MYO1F: variants seen among roughly 807,000 people sequenced by gnomAD.
The protein encoded by MYO1F is unconventional myosin-If.
In MYO1F, 60 loss-of-function variants were observed where a neutral mutation model predicts 146.6. The observed-to-expected ratio is 0.41, with a 90% CI of 0.33 to 0.51. The LOEUF is 0.51. MYO1F is among the 20% of genes least tolerant of loss of function. The probability of loss-of-function intolerance (pLI) is 0.25; values close to 1 mark genes in which losing one functional copy is unlikely to be tolerated. For synonymous variants in MYO1F, 602 were observed against 602.1 expected (o/e 1.00, Z 0.00); for missense variants, 1,274 against 1,534.3 (o/e 0.83, Z 2.83).
chr19:8,545,311 A>T (rs1434405792), intron 13 of MYO1F: 5 of 334,308 alleles, frequency 1.5e-5, no homozygotes, highest in Non-Finnish European at 2.9e-5. Context: ...CTGGTCTCGA[A>T]CTCCTGACCT....
chr19:8,557,331 C>CTGAG (rs1429095497), intron 1 of MYO1F, among the ~76,000 whole-genome samples: 1 of 152,144 alleles, frequency 6.6e-6, no homozygotes, highest in African/African-American at 2.4e-5. Context: ...GGGTCTCACT[C>CTGAG]TGTCACCCAG....
At chr19:8,572,822 A>G (rs2042135600) in intron 1 of MYO1F, among the ~76,000 whole-genome samples, 1 of 152,122 alleles carries the variant, frequency 6.6e-6, no homozygotes, top group African/African-American at 2.4e-5. Context: ...CAGCTTCCCA[A>G]TTAGCTGGTA....
At chr19:8,524,362 C>T (rs537835807) in intron 25 of MYO1F, among the ~76,000 whole-genome samples, 9 of 142,062 alleles carry the variant, frequency 6.3e-5, no homozygotes, top group African/African-American at 1.3e-4. Context: ...AGTTGCAGTG[C>T]GCTGAGACCG....
intron 1 of MYO1F, among the ~76,000 whole-genome samples, chr19:8,564,733 G>T (rs967038632): frequency 6.6e-6 from 1 of 151,672 alleles, no homozygotes; most frequent in African/African-American, 2.4e-5. Flanking sequence ...GAGAGGCTGT[G>T]GGGGAGAAGT....
At chr19:8,574,144 C>G (rs2145993689) in intron 1 of MYO1F, among the ~76,000 whole-genome samples, 1 of 152,178 alleles carries the variant, frequency 6.6e-6, no homozygotes, top group East Asian at 1.9e-4. Context: ...AATCCACCAC[C>G]AACGAACAAC....
Position 8,536,550 on chromosome 19 carries a change from A to T in MYO1F, c.1847T>A (p.Val616Glu). The T allele has an allele frequency of 6.3e-7, 1 of 1,593,788 alleles. No homozygotes were observed. Among genetic ancestry groups the T allele is most frequent in the Non-Finnish European group, 8.5e-7 (1 of 1,171,952 alleles). The change falls in exon 18 of 28, where the codon GTG (valine) becomes GAG (glutamate). Residue 616 changes from valine (V) to glutamate (E), a missense_variant. By Grantham distance (121) the Val-to-Glu change is moderately radical. Around this residue, in one of 2 missense-constraint regions of MYO1F, gnomAD observed 900 missense variants for 1,155.1 expected, o/e 0.78. Transcript: ENST00000644032. ...EYLGLKENIRVRRAGFAYRRQ... is the reference protein window; with the variant it reads ...EYLGLKENIRERRAGFAYRRQ... ...GCGGTAGGCGAAGCCGGCTCTGCGC[A>T]CCCTGATGTTCTCCTTCAGGCCCAG...
intron 25 of MYO1F, 75 bp downstream of exon 25, chr19:8,525,404 G>T: frequency 7.8e-7 from 1 of 1,284,794 alleles, no homozygotes; most frequent in South Asian, 1.2e-5. Context: ...GTTAGATTTC[G>T]TTTGCTGAAG....
At chr19:8,532,473 G>T (rs957328057) in intron 19 of MYO1F, among the ~76,000 whole-genome samples, 1 of 152,120 alleles carries the variant, frequency 6.6e-6, no homozygotes, top group Non-Finnish European at 1.5e-5. Context: ...AAAAACAATA[G>T]CATGCCTGTC....
chr19:8,536,867 G>T, intron 17 of MYO1F, 82 bp downstream of exon 17: 2 of 990,740 alleles, frequency 2.0e-6, no homozygotes, highest in Non-Finnish European at 3.2e-6. Context: ...CCTACAGGAG[G>T]TCAGGGAGGT....
At chr19:8,561,375 T>TCCCGTCCC in intron 1 of MYO1F, among the ~76,000 whole-genome samples, 1 of 62,144 alleles carries the variant, frequency 1.6e-5, no homozygotes, top group Admixed American at 1.6e-4. Context: ...CCTCCCTCCC[T>TCCCGTCCC]CCCTTCCCCC....
chr19:8,570,063 C>T lies in MYO1F; in HGVS notation c.3+7244G>A, dbSNP rs149114388. Among the ~76,000 whole-genome samples, 796 of 152,040 alleles carry T rather than the reference C, an allele frequency of 5.2e-3. 11 individuals are homozygous for T. Among genetic ancestry groups the T allele is most frequent in the Admixed American group, 0.036 (546 of 15,230 alleles). On this transcript the variant is annotated intron_variant, in intron 1 of 27. Transcript: ENST00000644032. The stretch of plus-strand genomic sequence containing the variant: ...CTGGGACCACAGGTGCATACTACCA[C>T]GCCTGGCTAATACATTTTTTTTTTT...
In MYO1F at chr19:8,526,153, C is replaced by A. The variant is rs570324532; in HGVS notation, c.2770+300G>T. ...ACCAGCCTGGCCAAGATGGTGAAAC[C>A]CCGTCTCTACTAAAACTACAAAAAT... On this transcript the variant is annotated intron_variant, in intron 24 of 27. Transcript: ENST00000644032. Among the ~76,000 whole-genome samples, 5 of 152,260 alleles carry A rather than the reference C, an allele frequency of 3.3e-5. No individual in the cohort carries two copies. The East Asian group carries it at 7.7e-4, about 24-fold the overall frequency.
At chr19:8,565,891 C>T (rs1396569641) in intron 1 of MYO1F, among the ~76,000 whole-genome samples, 1 of 151,730 alleles carries the variant, frequency 6.6e-6, no homozygotes, top group Non-Finnish European at 1.5e-5. Flanking sequence ...GTGTTTGAGA[C>T]CAGCCTGGGC....
chr19:8,561,669 CCTTT>C (rs1471186976), intron 1 of MYO1F, among the ~76,000 whole-genome samples: 1 of 140,742 alleles, frequency 7.1e-6, no homozygotes, highest in Non-Finnish European at 1.5e-5. Context: ...TTCCTTCTTT[CCTTT>C]CTTCCCTTCC....
chr19:8,555,814 G>A lies in MYO1F; in HGVS notation c.4-18C>T, dbSNP rs1388433947. ...TTGCTGCCCTGGGGGGTGAGAGGGG[G>A]GTCGGGGTGAGCCCTTGCACGGGGA... is the stretch of plus-strand genomic sequence containing the variant. On this transcript the variant is annotated intron_variant, in intron 1 of 27. Coordinates refer to ENST00000644032, the MANE Select transcript of MYO1F (RefSeq NM_012335.4). The A allele has an allele frequency of 2.5e-6, 4 of 1,607,450 alleles. No homozygotes were observed. Among genetic ancestry groups the A allele is most frequent in the African/African-American group, 2.7e-5 (2 of 74,920 alleles).
At position 8,543,984 on chromosome 19, in the gene MYO1F, C is replaced by CTGGTGG. The variant is rs1178984663; in HGVS notation, c.1524+307_1524+312dup. The CTGGTGG allele has an allele frequency of 9.2e-5, 16 of 173,230 alleles. No individual in the cohort carries two copies. In the African/African-American group the frequency reaches 1.1e-3, roughly 12 times the overall value. The allele number at this position is 173,230 out of a possible 1,614,324, so 10.7% of individuals were successfully genotyped here. On this transcript the variant is annotated intron_variant, in intron 14 of 27. Coordinates refer to ENST00000644032, the MANE Select transcript of MYO1F (RefSeq NM_012335.4). ...GGTGGTGGTGGTGCTGGTGCTGGTG[C>CTGGTGG]TGGTGGTGGTGCTGGTGGTGGCGGT...
chr19:8,526,805 G>C lies in MYO1F; in HGVS notation c.2605C>G (p.Leu869Val). ...FEEATRRPLP[L>V]TFSDTLQFRV... ...GGGCCGTACGTGTCGCTGAAGGTGA[G>C]GGGCAGGGGCCTCCGCGTCGCCTCC... The change falls in exon 23 of 28, where the codon CTC becomes GTC. Residue 869 changes from leucine (L) to valine (V), a missense_variant. Transcript: ENST00000644032. The C allele has an allele frequency of 1.2e-6, 2 of 1,612,362 alleles. No homozygotes were observed. The highest frequency in any genetic ancestry group is 1.7e-6 in the Non-Finnish European group (2 of 1,179,464).
intron 10 of MYO1F, 41 bp downstream of exon 10, chr19:8,550,119 C>G: frequency 6.2e-7 from 1 of 1,604,914 alleles, no homozygotes; most frequent in Non-Finnish European, 8.5e-7. Context: ...GTTTGTGACC[C>G]CAGAGCATCC....
chr19:8,522,110 C>T (rs1440786245), intron 27 of MYO1F, among the ~76,000 whole-genome samples: 1 of 151,634 alleles, frequency 6.6e-6, no homozygotes, highest in Non-Finnish European at 1.5e-5. Flanking sequence ...GCAAGCTCCG[C>T]CTCCCGGGTT....
Sources: gnomAD v4.1 joint callset for allele counts (sites outside exome capture counted in the v4.1 genomes callset) on GRCh38, gnomAD v4.1.1 for gene constraint, gnomAD v4.1.1 regional missense constraint, MANE v1.5 for transcripts, NCBI Gene and HGNC (gene_info 2026-07-23, HGNC 2026-07-21) for gene names.